Variants in SIPA1L1 observed in about 807,000 individuals in gnomAD.
SIPA1L1 encodes signal induced proliferation associated 1 like 1.
A neutral mutation model predicts 162.7 loss-of-function variants in SIPA1L1; 26 were observed. The ratio of observed to expected loss-of-function variants is 0.16; its 90% CI spans 0.12 to 0.22. SIPA1L1 has a LOEUF of 0.22. Among genes scored for constraint, SIPA1L1 ranks in the 10% least tolerant of loss-of-function variants. The probability of loss-of-function intolerance (pLI) is 1.00; values close to 1 mark genes in which losing one functional copy is unlikely to be tolerated. For synonymous variants in SIPA1L1, 829 were observed against 837.4 expected, an observed-to-expected ratio of 0.99 and a Z score of 0.17; for missense variants, 1,874 against 2,241.0, an observed-to-expected ratio of 0.84 and a Z score of 3.31.
rs1596477193 is a variant in SIPA1L1 at position 71,623,922 on chromosome 14, T to A, written c.1630-126T>A. ...TTCTCATTCTTTCTCCCTCACTGGC[T>A]TTACCCATCAAAAATCATTCCCTAG... On this transcript the variant is annotated intron_variant, in intron 6 of 23. Transcript: ENST00000381232. 7 of 694,982 alleles carry A rather than the reference T, an allele frequency of 1.0e-5. No individual in the cohort carries two copies. The East Asian group carries it at 1.9e-4, about 19-fold the overall frequency. The allele number at this position is 694,982 out of a possible 1,614,324, so 43.1% of individuals were successfully genotyped here. A position where few individuals can be genotyped will look rare whatever the true frequency, so the allele number is the denominator to read the frequency against.
intron 15 of SIPA1L1, 138 bp downstream of exon 15, chr14:71,702,643 T>C: frequency 1.3e-6 from 1 of 790,504 alleles, no homozygotes. Context: ...CTCTGTTAGA[T>C]TATGTATAAG....
At chr14:71,530,385 G>A (rs2053313335) in intron 4 of SIPA1L1, among the ~76,000 whole-genome samples, 1 of 145,602 alleles carries the variant, frequency 6.9e-6, no homozygotes, top group African/African-American at 2.6e-5. Flanking sequence ...CGACCAACTT[G>A]TGCTGTGAAT....
At chr14:71,440,975 T>A (rs774691609) in intron 2 of SIPA1L1, among the ~76,000 whole-genome samples, 2 of 152,212 alleles carry the variant, frequency 1.3e-5, no homozygotes, top group Non-Finnish European at 2.9e-5. Context: ...TGAAATTGTT[T>A]CTAAGTTCTT....
chr14:71,605,793 CAG>C (rs1164731200), intron 5 of SIPA1L1, among the ~76,000 whole-genome samples: 1 of 152,134 alleles, frequency 6.6e-6, no homozygotes, highest in African/African-American at 2.4e-5. Flanking sequence ...GTCTGGGCCT[CAG>C]GGCAGCAAAC....
intron 2 of SIPA1L1, among the ~76,000 whole-genome samples, chr14:71,326,361 G>A (rs901745853): frequency 1.3e-4 from 20 of 150,334 alleles, no homozygotes; most frequent in Non-Finnish European, 2.5e-4. Context: ...GGCACACGCC[G>A]CCACACCTGG....
At chr14:71,513,382 ATCAG>A (rs1349096277) in intron 3 of SIPA1L1, among the ~76,000 whole-genome samples, 10 of 152,326 alleles carry the variant, frequency 6.6e-5, no homozygotes, top group African/African-American at 1.4e-4. Context: ...TACCTAGTGT[ATCAG>A]TCAGGGTTCT....
intron 12 of SIPA1L1, among the ~76,000 whole-genome samples, chr14:71,680,805 G>A (rs980559991): frequency 2.0e-5 from 3 of 152,144 alleles, no homozygotes; most frequent in Non-Finnish European, 4.4e-5. Flanking sequence ...ACACCTCTAC[G>A]CAAATAAACT....
At chr14:71,321,226 G>A (rs975159546) in intron 2 of SIPA1L1, 45 bp downstream of exon 2, 1 of 152,238 alleles carries the variant, frequency 6.6e-6, no homozygotes, top group Non-Finnish European at 1.5e-5. Context: ...CGGGGGTGCA[G>A]GACGGCTGAC....
At chr14:71,371,543 A>G (rs1242508646) in intron 2 of SIPA1L1, among the ~76,000 whole-genome samples, 1 of 151,068 alleles carries the variant, frequency 6.6e-6, no homozygotes, top group Admixed American at 6.6e-5. Flanking sequence ...ATGTATCACC[A>G]TGCCTGGCTA....
intron 2 of SIPA1L1, among the ~76,000 whole-genome samples, chr14:71,454,507 A>G (rs1217329525): frequency 6.6e-6 from 1 of 152,222 alleles, no homozygotes; most frequent in Non-Finnish European, 1.5e-5. Context: ...GCATCTAATT[A>G]AAGGTACAAA....
intron 5 of SIPA1L1, among the ~76,000 whole-genome samples, chr14:71,590,118 T>C (rs1016966143): frequency 2.7e-5 from 4 of 148,042 alleles, no homozygotes; most frequent in African/African-American, 9.9e-5. Flanking sequence ...TACACACATA[T>C]ATATTTGAGA....
chr14:71,623,475 TAA>T (rs2039655112), intron 6 of SIPA1L1, among the ~76,000 whole-genome samples: 1 of 152,196 alleles, frequency 6.6e-6, no homozygotes, highest in Non-Finnish European at 1.5e-5. Flanking sequence ...TTTTAAGAAA[TAA>T]GAGAAAATCT....
intron 2 of SIPA1L1, among the ~76,000 whole-genome samples, chr14:71,397,192 T>C (rs1359701637): frequency 1.3e-5 from 2 of 152,188 alleles, no homozygotes; most frequent in African/African-American, 4.8e-5. Context: ...GACAACAGTA[T>C]AGCCATCTTC....
At chr14:71,496,478 A>AT (rs2143075569) in intron 2 of SIPA1L1, among the ~76,000 whole-genome samples, 1 of 152,222 alleles carries the variant, frequency 6.6e-6, no homozygotes, top group South Asian at 2.1e-4. Flanking sequence ...CAGCAAACAT[A>AT]TTTTATATTA....
rs144588257 is a variant in SIPA1L1 at position 71,462,575 on chromosome 14, C to G, written c.-464-50168C>G. 1.8e-4 allele frequency among the ~76,000 whole-genome samples: 27 copies of G among 152,274 alleles called. 2 individuals are homozygous for G. The East Asian group carries it at 5.2e-3, about 29-fold the overall frequency. On this transcript the variant is annotated intron_variant, in intron 2 of 23. Transcript: ENST00000381232. ...CCAAATGCAGCAACTTTTCCTTCAC[C>G]TTAGAAGGAATATCTTGACAGGCCC...
At chr14:71,539,795 T>C (rs1305599460) in intron 4 of SIPA1L1, among the ~76,000 whole-genome samples, 3 of 152,196 alleles carry the variant, frequency 2.0e-5, no homozygotes, top group South Asian at 2.1e-4. Context: ...GGAAATATAA[T>C]GTGCAGGAAG....
intron 8 of SIPA1L1, among the ~76,000 whole-genome samples, chr14:71,652,903 C>T (rs2042747368): frequency 6.6e-6 from 1 of 152,180 alleles, no homozygotes; most frequent in South Asian, 2.1e-4. Context: ...TCAAAATGTT[C>T]ATCTGCTAAT....
At chr14:71,608,847 G>T (rs573765783) in intron 5 of SIPA1L1, among the ~76,000 whole-genome samples, 1 of 152,062 alleles carries the variant, frequency 6.6e-6, no homozygotes, top group African/African-American at 2.4e-5. Context: ...GTGAGCCATC[G>T]TGCCACTGCA....
intron 2 of SIPA1L1, among the ~76,000 whole-genome samples, chr14:71,436,643 CAT>C (rs914778390): frequency 4.0e-5 from 6 of 151,786 alleles, no homozygotes; most frequent in African/African-American, 1.2e-4. Context: ...ATATTTATAA[CAT>C]ATTTTATACT....
Sources: allele counts gnomAD v4.1 joint callset (sites outside exome capture counted in the v4.1 genomes callset), GRCh38; gene constraint gnomAD v4.1.1; transcripts MANE v1.5; gene names NCBI Gene and HGNC (gene_info 2026-07-23, HGNC 2026-07-21).